The following PRDM16 variants were observed in gnomAD, a reference collection of about 807,000 sequenced individuals.
PRDM16 encodes the protein histone-lysine N-methyltransferase PRDM16.
PRDM16 carries 23 observed loss-of-function variants against 110.6 expected under a neutral mutation model. The observed-to-expected ratio is 0.21, with a 90% CI of 0.15 to 0.29. The LOEUF (loss-of-function observed/expected upper bound fraction) is 0.29, where lower values mean the gene tolerates loss of function less well. Ranked by LOEUF, PRDM16 falls within the 10% of genes least tolerant of loss-of-function variation. The pLI is 1.00. For synonymous variants in PRDM16, 799 were observed against 781.8 expected (o/e 1.02, Z -0.37); for missense variants, 1,615 against 1,794.3 (o/e 0.90, Z 1.81).
At chr1:3,233,885 T>G (rs548389038) in intron 2 of PRDM16, among the ~76,000 whole-genome samples, 1 of 144,806 alleles carries the variant, frequency 6.9e-6, no homozygotes, top group Admixed American at 6.7e-5. Flanking sequence ...AGTGTTGGGG[T>G]TTTTTTAAAA....
chr1:3,071,845 GCCA>G (rs1293212641), intron 1 of PRDM16, among the ~76,000 whole-genome samples: 2 of 152,202 alleles, frequency 1.3e-5, no homozygotes, highest in Non-Finnish European at 2.9e-5. Context: ...CATTTCGGGG[GCCA>G]CCGCCGAGTG....
At chr1:3,181,706 TCTTACACACGCAGTCTTA>T (rs1644200440) in intron 1 of PRDM16, among the ~76,000 whole-genome samples, 1 of 119,084 alleles carries the variant, frequency 8.4e-6, no homozygotes, top group African/African-American at 3.5e-5. Flanking sequence ...TTACACACGG[TCTTACACACGCAGTCTTA>T]CACACGGTCT....
rs1363958766 is a variant in PRDM16 at position 3,343,923 on chromosome 1, G to A, written c.439-41229G>A. Among the ~76,000 whole-genome samples the A allele has an allele frequency of 2.6e-5, 4 of 152,300 alleles. No homozygotes were observed. The East Asian group carries it at 5.8e-4, about 22-fold the overall frequency. On this transcript the variant is annotated intron_variant, in intron 3 of 16. Transcript: ENST00000270722. Reference sequence around the variant, plus strand: ...CCCAAAGTGCTGGGATTACAGGTGTGAGCCACCGCTCCCAGCCTGGTTTCA... The same window carrying A: ...CCCAAAGTGCTGGGATTACAGGTGTAAGCCACCGCTCCCAGCCTGGTTTCA...
intron 1 of PRDM16, among the ~76,000 whole-genome samples, chr1:3,178,207 G>A (rs937698935): frequency 6.6e-6 from 1 of 152,172 alleles, no homozygotes; most frequent in East Asian, 1.9e-4. Flanking sequence ...ATAAAAAAAC[G>A]CCTTTCATGA....
rs779175143 is a variant in PRDM16 at position 3,394,458 on chromosome 1, CAGG to C, written c.574-2031_574-2029del. The C allele has an allele frequency of 2.8e-3, 1,181 of 428,078 alleles. 17 individuals carry two copies. Among genetic ancestry groups the C allele is most frequent in the African/African-American group, 0.024 (1,056 of 44,044 alleles). The allele number at this position is 428,078 out of a possible 1,614,324, so 26.5% of individuals were successfully genotyped here. A position where few individuals can be genotyped will look rare whatever the true frequency, so the allele number is the denominator to read the frequency against. On this transcript the variant is annotated intron_variant, in intron 4 of 16. Coordinates refer to ENST00000270722, the MANE Select transcript of PRDM16 (RefSeq NM_022114.4). Reference sequence around the variant, plus strand: ...CGGGAGGATGCCCGAGGTCTCACGTCAGGACCCTCGACGGGGGTGGGGTGGAGA... The same window carrying C: ...CGGGAGGATGCCCGAGGTCTCACGTCACCCTCGACGGGGGTGGGGTGGAGA...
At chr1:3,298,663 G>T (rs562367533) in intron 3 of PRDM16, among the ~76,000 whole-genome samples, 1 of 152,164 alleles carries the variant, frequency 6.6e-6, no homozygotes, top group South Asian at 2.1e-4. Context: ...TGCTTGTTCA[G>T]TGCCAACATT....
chr1:3,112,660 C>G (rs1037676120), intron 1 of PRDM16, among the ~76,000 whole-genome samples: 2 of 152,240 alleles, frequency 1.3e-5, no homozygotes, highest in African/African-American at 4.8e-5. Context: ...CTGGCCGGGC[C>G]GCATTCCTGC....
chr1:3,403,603 C>T (rs1391383734), intron 6 of PRDM16, among the ~76,000 whole-genome samples: 1 of 152,216 alleles, frequency 6.6e-6, no homozygotes, highest in Non-Finnish European at 1.5e-5. Flanking sequence ...CCCACGGTGG[C>T]CCTCCCCTGC....
chr1:3,183,952 C>T (rs903156862), intron 1 of PRDM16, among the ~76,000 whole-genome samples: 4 of 152,184 alleles, frequency 2.6e-5, no homozygotes, highest in Admixed American at 1.3e-4. Flanking sequence ...TTGCGAGCTC[C>T]GTGCAGTTAC....
chr1:3,362,561 G>A (rs950818845), intron 3 of PRDM16, among the ~76,000 whole-genome samples: 1 of 152,208 alleles, frequency 6.6e-6, no homozygotes, highest in African/African-American at 2.4e-5. Flanking sequence ...GGAACCAGTG[G>A]AAGACGGAGA....
intron 1 of PRDM16, among the ~76,000 whole-genome samples, chr1:3,181,288 A>G (rs1394415139): frequency 9.1e-6 from 1 of 109,328 alleles, no homozygotes; most frequent in South Asian, 2.8e-4. Context: ...GCATGGTCTT[A>G]CACACGCAGT....
At chr1:3,295,770 T>G (rs1280176047) in intron 3 of PRDM16, among the ~76,000 whole-genome samples, 2 of 152,126 alleles carry the variant, frequency 1.3e-5, no homozygotes, top group Non-Finnish European at 2.9e-5. Flanking sequence ...CAGAATTCTG[T>G]AGGCTGAAGA....
At chr1:3,212,613 CG>C (rs1557532559) in intron 2 of PRDM16, among the ~76,000 whole-genome samples, 60 of 146,582 alleles carry the variant, frequency 4.1e-4, no homozygotes, top group South Asian at 2.0e-3. Context: ...CCGGCCCCCT[CG>C]CTGAGGTCCT....
At chr1:3,219,607 G>A (rs557383317) in intron 2 of PRDM16, among the ~76,000 whole-genome samples, 2 of 152,322 alleles carry the variant, frequency 1.3e-5, no homozygotes, top group South Asian at 4.2e-4. Context: ...TCGGGAACAG[G>A]ACGATAAAAT....
rs867905961 is a variant in PRDM16 at position 3,181,219 on chromosome 1, C to T, written c.38-4906C>T. Among the ~76,000 whole-genome samples the T allele has an allele frequency of 3.9e-3, 287 of 72,998 alleles. 2 individuals are homozygous for T. Among genetic ancestry groups the T allele is most frequent in the African/African-American group, 0.013 (249 of 19,702 alleles). 47.9% of individuals were successfully genotyped at this position (72,998 alleles called of 152,430 possible). On this transcript the variant is annotated intron_variant, in intron 1 of 16. Transcript: ENST00000270722. ...GGTCTTACACACGGTCTTACACACG[C>T]AGTCTTACACACGGTCTTACACACA... is the stretch of plus-strand genomic sequence containing the variant.
intron 1 of PRDM16, among the ~76,000 whole-genome samples, chr1:3,140,128 C>T (rs1225319500): frequency 6.6e-6 from 1 of 152,274 alleles, no homozygotes; most frequent in Non-Finnish European, 1.5e-5. Flanking sequence ...TCATTTCTTT[C>T]ACTTTTAATC....
intron 2 of PRDM16, among the ~76,000 whole-genome samples, chr1:3,234,770 A>G (rs1212868242): frequency 6.6e-6 from 1 of 152,180 alleles, no homozygotes; most frequent in Non-Finnish European, 1.5e-5. Flanking sequence ...CTGACTCATG[A>G]TTTATTATTC....
intron 1 of PRDM16, among the ~76,000 whole-genome samples, chr1:3,097,191 C>T (rs1398492323): frequency 6.8e-6 from 1 of 147,390 alleles, no homozygotes; most frequent in Admixed American, 6.7e-5. Flanking sequence ...CTCTCTGTAC[C>T]CACAGCTGGA....
chr1:3,205,331 C>T (rs1202133075), intron 2 of PRDM16, among the ~76,000 whole-genome samples: 1 of 152,186 alleles, frequency 6.6e-6, no homozygotes, highest in African/African-American at 2.4e-5. Flanking sequence ...CGCCCCTCGT[C>T]AGCCATCCGG....
Sources: gnomAD v4.1 joint callset for allele counts (sites outside exome capture counted in the v4.1 genomes callset) on GRCh38, gnomAD v4.1.1 for gene constraint, MANE v1.5 for transcripts, NCBI Gene and HGNC (gene_info 2026-07-23, HGNC 2026-07-21) for gene names.